Variants in TSPAN7 observed in about 807,000 individuals in gnomAD.
The protein encoded by TSPAN7 is tetraspanin-7.
Under a neutral mutation model 17.6 loss-of-function variants are expected in TSPAN7, and 1 was observed. The observed-to-expected ratio is 0.06, with a 90% confidence interval of 0.02 to 0.27. The LOEUF (loss-of-function observed/expected upper bound fraction) is 0.27. Among genes scored for constraint, TSPAN7 ranks in the 10% least tolerant of loss-of-function variants. TSPAN7 has a pLI of 1.00. For synonymous variants in TSPAN7, 78 were observed against 79.0 expected, an observed-to-expected ratio of 0.99 and a Z score of 0.07; for missense variants, 112 against 201.7, an observed-to-expected ratio of 0.56 and a Z score of 2.69.
intron 1 of TSPAN7, among the ~76,000 whole-genome samples, chrX:38,591,472 A>G (rs750618356): frequency 8.9e-6 from 1 of 111,943 alleles, no homozygotes; most frequent in South Asian, 3.7e-4. Flanking sequence ...CAGATATTCC[A>G]TTTGTGCTAG....
intron 1 of TSPAN7, among the ~76,000 whole-genome samples, chrX:38,630,081 G>T (rs1034569360): frequency 8.1e-5 from 9 of 111,523 alleles, no homozygotes; most frequent in African/African-American, 2.9e-4. Context: ...TTGTTAAGGA[G>T]AAATGAACAA....
chrX:38,576,443 A>AT (rs1241663756), intron 1 of TSPAN7, among the ~76,000 whole-genome samples: 1 of 112,217 alleles, frequency 8.9e-6, no homozygotes, highest in African/African-American at 3.2e-5. Flanking sequence ...AAAATATCTC[A>AT]TTTTTTACAT....
chrX:38,685,063 C>A (rs748941637), intron 6 of TSPAN7, among the ~76,000 whole-genome samples: 1 of 111,847 alleles, frequency 8.9e-6, no homozygotes, highest in African/African-American at 3.2e-5. Flanking sequence ...CCTGTCTGGC[C>A]TCCTCCAGGG....
chrX:38,683,144 T>A (rs892387497), intron 6 of TSPAN7, among the ~76,000 whole-genome samples: 4 of 112,004 alleles, frequency 3.6e-5, no homozygotes, highest in African/African-American at 1.3e-4. Context: ...AAACACCTTA[T>A]CATCCAAGAA....
chrX:38,641,015 G>A (rs2069608552), intron 1 of TSPAN7, among the ~76,000 whole-genome samples: 1 of 112,576 alleles, frequency 8.9e-6, no homozygotes, highest in African/African-American at 3.2e-5. Context: ...TTTGCCCAAG[G>A]TCATCTGTTA....
chrX:38,659,474 A>G (rs191722415), intron 1 of TSPAN7, among the ~76,000 whole-genome samples: 1 of 111,782 alleles, frequency 8.9e-6, no homozygotes, highest in East Asian at 2.8e-4. Context: ...TTGTTGTATC[A>G]GAATGTTAGA....
intron 1 of TSPAN7, among the ~76,000 whole-genome samples, chrX:38,584,897 A>G (rs1342805303): frequency 8.9e-6 from 1 of 111,875 alleles, no homozygotes; most frequent in Non-Finnish European, 1.9e-5. Flanking sequence ...CCTATGAATG[A>G]ACTCTTAAGT....
intron 1 of TSPAN7, among the ~76,000 whole-genome samples, chrX:38,654,347 C>G (rs1262757528): frequency 8.9e-6 from 1 of 112,428 alleles, no homozygotes; most frequent in East Asian, 2.8e-4. Context: ...CCATCAGCTA[C>G]AGACCTCATA....
At chrX:38,658,625 T>C (rs769518422) in intron 1 of TSPAN7, among the ~76,000 whole-genome samples, 1 of 111,923 alleles carries the variant, frequency 8.9e-6, no homozygotes, top group African/African-American at 3.2e-5. Context: ...TCTCATGTTC[T>C]AGTGACAGTC....
chrX:38,579,215 C>T (rs778563135), intron 1 of TSPAN7, among the ~76,000 whole-genome samples: 1 of 111,189 alleles, frequency 9.0e-6, no homozygotes, highest in Non-Finnish European at 1.9e-5. Flanking sequence ...AGGTAGAGTG[C>T]CTTTATTTTT....
chrX:38,605,026 T>C (rs2069370224), intron 1 of TSPAN7, among the ~76,000 whole-genome samples: 1 of 110,724 alleles, frequency 9.0e-6, no homozygotes, highest in Admixed American at 9.6e-5. Flanking sequence ...CTCTCACCAC[T>C]CCTATTCAAC....
intron 1 of TSPAN7, among the ~76,000 whole-genome samples, chrX:38,605,181 C>T (rs1460690066): frequency 9.1e-6 from 1 of 110,221 alleles, no homozygotes; most frequent in African/African-American, 3.3e-5. Flanking sequence ...AGCCCAAAAT[C>T]TCCTTAAGCT....
At chrX:38,669,197 T>G (rs2069804447) in intron 2 of TSPAN7, among the ~76,000 whole-genome samples, 1 of 112,187 alleles carries the variant, frequency 8.9e-6, no homozygotes, top group African/African-American at 3.2e-5. Flanking sequence ...AACATCATAC[T>G]GTACCCCATA....
At chrX:38,607,728 A>G (rs2069391375) in intron 1 of TSPAN7, among the ~76,000 whole-genome samples, 1 of 111,192 alleles carries the variant, frequency 9.0e-6, no homozygotes, top group African/African-American at 3.3e-5. Flanking sequence ...TGTGAGACCA[A>G]AGGTGAGCAC....
chrX:38,648,934 A>T (rs939414693), intron 1 of TSPAN7, among the ~76,000 whole-genome samples: 1 of 110,536 alleles, frequency 9.0e-6, no homozygotes, highest in Non-Finnish European at 1.9e-5. Context: ...AAAAAAAAAA[A>T]GAAGTAACAG....
chrX:38,628,684 T>A (rs955155133), intron 1 of TSPAN7, among the ~76,000 whole-genome samples: 6 of 112,274 alleles, frequency 5.3e-5, no homozygotes, highest in African/African-American at 1.9e-4. Flanking sequence ...TTAACACCTC[T>A]GACCTCTTGA....
intron 1 of TSPAN7, among the ~76,000 whole-genome samples, chrX:38,579,535 A>G (rs927026287): frequency 2.7e-5 from 3 of 111,401 alleles, no homozygotes; most frequent in Non-Finnish European, 3.8e-5. Flanking sequence ...GCAGTGAGCC[A>G]AGATTGTGCC....
chrX:38,658,604 C>T (rs1053274255), intron 1 of TSPAN7, among the ~76,000 whole-genome samples: 1 of 111,761 alleles, frequency 8.9e-6, no homozygotes, highest in African/African-American at 3.3e-5. Flanking sequence ...CCCTGTCTTC[C>T]AGCATTGTCC....
intron 1 of TSPAN7, among the ~76,000 whole-genome samples, chrX:38,649,374 A>G (rs2069663599): frequency 8.9e-6 from 1 of 112,647 alleles, no homozygotes; most frequent in Non-Finnish European, 1.9e-5. Context: ...ATCATTTAAG[A>G]GAGACCTACT....
Sources: gnomAD v4.1 joint callset for allele counts (sites outside exome capture counted in the v4.1 genomes callset) on GRCh38, gnomAD v4.1.1 for gene constraint, MANE v1.5 for transcripts, NCBI Gene and HGNC (gene_info 2026-07-23, HGNC 2026-07-21) for gene names.